Variants in VWDE observed in about 807,000 individuals in gnomAD.
VWDE encodes the protein von Willebrand factor D and EGF domain-containing protein.
Under a neutral mutation model 178.4 loss-of-function variants are expected in VWDE, and 207 were observed. The ratio of observed to expected loss-of-function variants is 1.16; its 90% CI spans 1.04 to 1.30. The LOEUF (loss-of-function observed/expected upper bound fraction) is 1.30, where lower values mean the gene tolerates loss of function less well. Ranked by LOEUF, VWDE falls within the 50% of genes most tolerant of loss-of-function variation. The pLI is 0.00. For missense variants in VWDE, 2,287 were observed against 1,901.3 expected (o/e 1.20, Z -3.77); for synonymous variants, 738 against 651.4 (o/e 1.13, Z -2.02).
intron 15 of VWDE, 62 bp from the exon 16 acceptor site, chr7:12,359,754 A>G (rs1033667510): frequency 3.0e-6 from 3 of 1,000,578 alleles, no homozygotes; most frequent in Non-Finnish European, 4.5e-6. Flanking sequence ...AAAAAAGTAC[A>G]TAGAAGGATG....
chr7:12,391,347 T>C (rs1784381755), intron 2 of VWDE, among the ~76,000 whole-genome samples: 1 of 152,176 alleles, frequency 6.6e-6, no homozygotes, highest in South Asian at 2.1e-4. Context: ...AATCTATTGA[T>C]TTTCTGGTTG....
chr7:12,403,755 C>T lies in VWDE; in HGVS notation c.-39G>A. 6.5e-7 allele frequency: 1 copy of T among 1,548,538 alleles called. No individual in the cohort carries two copies. The highest frequency in any genetic ancestry group is 1.2e-5 in the South Asian group (1 of 83,792). ...GGTGGGGCGAAAGGCGTCGCAGAGC[C>T]CGGGCCGCGGGTGCCAGGAGGATGG... is the stretch of plus-strand genomic sequence containing the variant. On this transcript the variant is annotated 5_prime_UTR_variant, in exon 1 of 29. Transcript: ENST00000275358.
chr7:12,364,569 A>C (rs1001396000), intron 13 of VWDE, among the ~76,000 whole-genome samples: 3 of 152,160 alleles, frequency 2.0e-5, no homozygotes, highest in Non-Finnish European at 2.9e-5. Flanking sequence ...AATTCATGAA[A>C]TAAGTTTCCA....
chr7:12,399,511 T>A (rs1784800192), intron 1 of VWDE, among the ~76,000 whole-genome samples: 1 of 152,156 alleles, frequency 6.6e-6, no homozygotes, highest in Non-Finnish European at 1.5e-5. Context: ...ACTTTCAATA[T>A]CAATTTTAAA....
chr7:12,345,843 A>G (rs1171063060), intron 19 of VWDE, among the ~76,000 whole-genome samples: 1 of 152,166 alleles, frequency 6.6e-6, no homozygotes, highest in Admixed American at 6.6e-5. Flanking sequence ...AATTAATTTC[A>G]GTGATGAGCG....
intron 17 of VWDE, among the ~76,000 whole-genome samples, chr7:12,356,944 TATA>T (rs1782280568): frequency 6.6e-6 from 1 of 152,186 alleles, no homozygotes; most frequent in South Asian, 2.1e-4. Context: ...TGGAAGAGGG[TATA>T]ATTATCAATC....
intron 22 of VWDE, among the ~76,000 whole-genome samples, chr7:12,342,400 CTT>C (rs1333878024): frequency 6.6e-6 from 1 of 151,982 alleles, no homozygotes; most frequent in Non-Finnish European, 1.5e-5. Flanking sequence ...ATAAACAAGA[CTT>C]GGCTATTTGG....
At chr7:12,357,941 C>A (rs988322431) in intron 16 of VWDE, among the ~76,000 whole-genome samples, 1 of 152,230 alleles carries the variant, frequency 6.6e-6, no homozygotes, top group South Asian at 2.1e-4. Context: ...CCTCACTGCC[C>A]ATGACTGCTC....
intron 19 of VWDE, among the ~76,000 whole-genome samples, chr7:12,347,871 C>G (rs1283703590): frequency 1.3e-5 from 2 of 152,062 alleles, no homozygotes; most frequent in Non-Finnish European, 2.9e-5. Flanking sequence ...GGTACCAAAA[C>G]AGAGATATAG....
intron 28 of VWDE, among the ~76,000 whole-genome samples, chr7:12,332,034 C>A (rs915228931): frequency 2.0e-5 from 3 of 151,998 alleles, no homozygotes; most frequent in Non-Finnish European, 4.4e-5. Flanking sequence ...CAGTCTGAAC[C>A]CTCCTTTGGG....
At chr7:12,386,697 T>C (rs1258357134) in intron 3 of VWDE, among the ~76,000 whole-genome samples, 1 of 152,232 alleles carries the variant, frequency 6.6e-6, no homozygotes, top group Non-Finnish European at 1.5e-5. Flanking sequence ...AGTGCCCTTT[T>C]GTTAGACGTT....
intron 28 of VWDE, among the ~76,000 whole-genome samples, chr7:12,332,098 C>T (rs543567954): frequency 1.1e-4 from 16 of 152,012 alleles, no homozygotes; most frequent in South Asian, 8.3e-4. Flanking sequence ...TCTATGGATA[C>T]CCATGGATGG....
intron 1 of VWDE, among the ~76,000 whole-genome samples, chr7:12,395,342 G>A (rs1784573164): frequency 6.6e-6 from 1 of 152,090 alleles, no homozygotes; most frequent in African/African-American, 2.4e-5. Context: ...TTCCTAATAA[G>A]GTGTGCATAA....
In VWDE at chr7:12,372,970, T is replaced by C. The variant is rs1370938484; in HGVS notation, c.1587+7A>G. ...AAATACTTTCAATGTTAAAGAATCA[T>C]ACATACTGTGACTTTTCTTCCTAAG... On this transcript the variant is annotated splice_region_variant and intron_variant, in intron 10 of 28. Transcript: ENST00000275358. 3 of 1,550,394 alleles carry C rather than the reference T, an allele frequency of 1.9e-6. No individual in the cohort carries two copies. In the South Asian group the frequency reaches 3.6e-5, roughly 18 times the overall value.
intron 2 of VWDE, 49 bp from the exon 3 acceptor site, chr7:12,389,407 C>A (rs2128561087): frequency 7.5e-7 from 1 of 1,329,772 alleles, no homozygotes; most frequent in Non-Finnish European, 1.0e-6. Flanking sequence ...TATTTTCATC[C>A]ATTGTAGATA....
chr7:12,367,956 C>T (rs10499419), intron 12 of VWDE, among the ~76,000 whole-genome samples: 19,216 of 151,664 alleles, frequency 0.13, 1,376 homozygotes, highest in East Asian at 0.2. Context: ...TGGGTATATG[C>T]AGTGTGTAAA....
chr7:12,395,412 A>T (rs1222670622), intron 1 of VWDE, among the ~76,000 whole-genome samples: 1 of 152,084 alleles, frequency 6.6e-6, no homozygotes, highest in African/African-American at 2.4e-5. Flanking sequence ...TGGGAAAAAA[A>T]TCAATAACTC....
chr7:12,398,143 G>A (rs141413678), intron 1 of VWDE, among the ~76,000 whole-genome samples: 1 of 152,158 alleles, frequency 6.6e-6, no homozygotes, highest in Non-Finnish European at 1.5e-5. Flanking sequence ...CAGTAGCAAA[G>A]ACATGGAATC....
chr7:12,341,276 GAA>G lies in VWDE; in HGVS notation c.4270+781_4270+782del, dbSNP rs1381545951. 2.6e-5 allele frequency among the ~76,000 whole-genome samples: 4 copies of G among 152,238 alleles called. No individual in the cohort carries two copies. In the East Asian group the frequency reaches 7.7e-4, roughly 29 times the overall value. ...AAACATTGAATTACACTTTCATTGA[GAA>G]AAAGTCATTAGATTATAATGAATTA... On this transcript the variant is annotated intron_variant, in intron 23 of 28. Coordinates refer to ENST00000275358, the MANE Select transcript of VWDE (RefSeq NM_001135924.3).
Sources: gnomAD v4.1 joint callset for allele counts (sites outside exome capture counted in the v4.1 genomes callset) on GRCh38, gnomAD v4.1.1 for gene constraint, MANE v1.5 for transcripts, NCBI Gene and HGNC (gene_info 2026-07-23, HGNC 2026-07-21) for gene names.